TAFA5: variants seen among roughly 807,000 people sequenced by gnomAD.
TAFA5 encodes TAFA chemokine like family member 5.
TAFA5 carries 6 observed loss-of-function variants against 15.3 expected under a neutral mutation model. That is an observed-to-expected ratio of 0.39 (90% confidence interval 0.21 to 0.77). The LOEUF is 0.77. Among genes scored for constraint, TAFA5 ranks in the 30% least tolerant of loss-of-function variants. TAFA5 has a pLI of 0.41. For synonymous variants in TAFA5, 103 were observed against 80.7 expected (o/e 1.28, Z -1.48); for missense variants, 161 against 193.1 (o/e 0.83, Z 0.98).
intron 2 of TAFA5, among the ~76,000 whole-genome samples, chr22:48,685,429 T>A (rs907993333): frequency 6.6e-6 from 1 of 152,210 alleles, no homozygotes; most frequent in African/African-American, 2.4e-5. Context: ...TTTCAAAATA[T>A]GTCAGAGAAA....
intron 1 of TAFA5, among the ~76,000 whole-genome samples, chr22:48,616,526 C>T (rs1157037291): frequency 2.6e-5 from 4 of 152,142 alleles, no homozygotes; most frequent in African/African-American, 7.2e-5. Context: ...GGAGCCTGGC[C>T]GCTTGGGACA....
intron 1 of TAFA5, among the ~76,000 whole-genome samples, chr22:48,609,891 G>A (rs1356706830): frequency 1.3e-5 from 2 of 152,154 alleles, no homozygotes; most frequent in South Asian, 2.1e-4. Context: ...ACATACAGCC[G>A]TCCTCCCTCT....
chr22:48,715,574 G>A (rs1194148548), intron 3 of TAFA5, among the ~76,000 whole-genome samples: 1 of 152,220 alleles, frequency 6.6e-6, no homozygotes, highest in East Asian at 1.9e-4. Flanking sequence ...TGTTTGGCAG[G>A]TGGAAGGGTG....
chr22:48,685,248 A>G (rs759646392), intron 2 of TAFA5, among the ~76,000 whole-genome samples: 1 of 152,216 alleles, frequency 6.6e-6, no homozygotes, highest in Non-Finnish European at 1.5e-5. Context: ...TGGAAGCCAC[A>G]GTTCTTATTA....
At chr22:48,618,889 C>T (rs568136239) in intron 1 of TAFA5, among the ~76,000 whole-genome samples, 1 of 152,202 alleles carries the variant, frequency 6.6e-6, no homozygotes, top group Non-Finnish European at 1.5e-5. Flanking sequence ...CCCCCCTCGC[C>T]TGCACAGATT....
chr22:48,702,589 C>T (rs934754711), intron 2 of TAFA5, among the ~76,000 whole-genome samples: 1 of 110,560 alleles, frequency 9.0e-6, no homozygotes, highest in Non-Finnish European at 2.4e-5. Flanking sequence ...CTCAGGACCC[C>T]CCAGGTTAGC....
intron 3 of TAFA5, among the ~76,000 whole-genome samples, chr22:48,727,243 G>A (rs1279964003): frequency 1.3e-5 from 2 of 152,066 alleles, no homozygotes; most frequent in Non-Finnish European, 2.9e-5. Context: ...AAGATTCACA[G>A]CACTATTATT....
At chr22:48,717,159 C>A (rs191498877) in intron 3 of TAFA5, among the ~76,000 whole-genome samples, 2 of 152,358 alleles carry the variant, frequency 1.3e-5, no homozygotes, top group Non-Finnish European at 1.5e-5. Flanking sequence ...CCCCAAAACT[C>A]AGAGGGAAAA....
intron 1 of TAFA5, among the ~76,000 whole-genome samples, chr22:48,643,090 G>T (rs1926740430): frequency 6.6e-6 from 1 of 152,326 alleles, no homozygotes; most frequent in South Asian, 2.1e-4. Context: ...TCTGCTGCAG[G>T]CTCCAGGCAT....
intron 1 of TAFA5, among the ~76,000 whole-genome samples, chr22:48,542,491 G>GTGTGGC (rs1271990603): frequency 2.0e-5 from 2 of 99,838 alleles, no homozygotes; most frequent in Non-Finnish European, 4.1e-5. Context: ...GTGTGTGTGT[G>GTGTGGC]GTGTGTGTGC....
intron 1 of TAFA5, among the ~76,000 whole-genome samples, chr22:48,505,841 A>G (rs1920989072): frequency 6.6e-6 from 1 of 152,228 alleles, no homozygotes; most frequent in Admixed American, 6.5e-5. Context: ...GAAAGGACAC[A>G]GATTACAATC....
intron 1 of TAFA5, among the ~76,000 whole-genome samples, chr22:48,580,337 G>C (rs1367608225): frequency 6.6e-6 from 1 of 152,228 alleles, no homozygotes; most frequent in Non-Finnish European, 1.5e-5. Context: ...GTCTTTACAA[G>C]ATTAGCAGCC....
At chr22:48,623,829 G>A (rs973772441) in intron 1 of TAFA5, among the ~76,000 whole-genome samples, 8 of 152,224 alleles carry the variant, frequency 5.3e-5, no homozygotes, top group African/African-American at 1.9e-4. Context: ...TAGATTTATG[G>A]AAAACTTGAA....
At chr22:48,495,659 G>C (rs1928299701) in intron 1 of TAFA5, among the ~76,000 whole-genome samples, 1 of 152,294 alleles carries the variant, frequency 6.6e-6, no homozygotes, top group East Asian at 1.9e-4. Context: ...TCCTCTCTCT[G>C]TCTGGGCTGC....
At chr22:48,559,264 AC>A (rs1403410025) in intron 1 of TAFA5, among the ~76,000 whole-genome samples, 1 of 152,108 alleles carries the variant, frequency 6.6e-6, no homozygotes, top group Admixed American at 6.5e-5. Flanking sequence ...AGATTTTGGG[AC>A]CCATGGCGGT....
intron 2 of TAFA5, among the ~76,000 whole-genome samples, chr22:48,671,887 T>C (rs1884347): frequency 0.31 from 46,563 of 151,924 alleles, 8,436 homozygotes; most frequent in African/African-American, 0.51. Flanking sequence ...CCAAACAATA[T>C]CTGATGAGTG....
At chr22:48,577,824 C>T (rs531438019) in intron 1 of TAFA5, among the ~76,000 whole-genome samples, 81 of 152,312 alleles carry the variant, frequency 5.3e-4, no homozygotes, top group African/African-American at 1.9e-3. Flanking sequence ...GCTTGGCCTG[C>T]CAGCCCGGGC....
intron 1 of TAFA5, among the ~76,000 whole-genome samples, chr22:48,540,137 T>C (rs1350633936): frequency 6.6e-6 from 1 of 152,210 alleles, no homozygotes; most frequent in African/African-American, 2.4e-5. Flanking sequence ...CCAGGACTTG[T>C]GCCTTCTTGG....
intron 1 of TAFA5, among the ~76,000 whole-genome samples, chr22:48,506,625 C>T (rs1401588717): frequency 6.6e-6 from 1 of 152,144 alleles, no homozygotes; most frequent in African/African-American, 2.4e-5. Context: ...CCTGTCCTCA[C>T]CTGTGCTACC....
Sources: allele counts gnomAD v4.1 joint callset (sites outside exome capture counted in the v4.1 genomes callset), GRCh38; gene constraint gnomAD v4.1.1; transcripts MANE v1.5; gene names NCBI Gene and HGNC (gene_info 2026-07-23, HGNC 2026-07-21).